The following FOXJ3 variants were observed in gnomAD, a reference collection of about 807,000 sequenced individuals.
FOXJ3 encodes forkhead box protein J3.
Under a neutral mutation model 76.1 loss-of-function variants are expected in FOXJ3, and 22 were observed. The observed-to-expected ratio is 0.29, with a 90% CI of 0.21 to 0.41. The LOEUF (loss-of-function observed/expected upper bound fraction) is 0.41. FOXJ3 is among the 10% of genes least tolerant of loss of function. The pLI, the probability that FOXJ3 is intolerant of heterozygous loss-of-function variation, is 1.00. For synonymous variants in FOXJ3, 269 were observed against 261.2 expected (o/e 1.03, Z -0.29); for missense variants, 613 against 762.1 (o/e 0.80, Z 2.30).
rs901073147 is a variant in FOXJ3 at position 42,277,514 on chromosome 1, C to G, written c.369+834G>C. Among the ~76,000 whole-genome samples the G allele has an allele frequency of 9.6e-5, 6 of 62,368 alleles. 1 individual carries two copies. The highest frequency in any genetic ancestry group is 2.4e-4 in the African/African-American group (5 of 20,464). 40.9% of individuals were successfully genotyped at this position (62,368 alleles called of 152,430 possible). On this transcript the variant is annotated intron_variant, in intron 3 of 12. Coordinates refer to ENST00000361346, the MANE Select transcript of FOXJ3 (RefSeq NM_014947.5). ...CATCTCTACTAAAAATACAAAAAAT[C>G]TGGCCGGGCGCGGTGGCTCACGCCT...
intron 5 of FOXJ3, among the ~76,000 whole-genome samples, chr1:42,206,811 T>A (rs1646869453): frequency 6.6e-6 from 1 of 152,126 alleles, no homozygotes; most frequent in Non-Finnish European, 1.5e-5. Context: ...TTATCAGACA[T>A]CAGGTCTTAT....
At position 42,191,778 on chromosome 1, in the gene FOXJ3, T is replaced by C; in HGVS notation, c.935-59A>G. 1 of 1,558,748 alleles carries C rather than the reference T, an allele frequency of 6.4e-7. No individual in the cohort carries two copies. The highest frequency in any genetic ancestry group is 8.8e-7 in the Non-Finnish European group (1 of 1,141,608). On this transcript the variant is annotated intron_variant, in intron 8 of 12. Transcript: ENST00000361346. Reference sequence around the variant, plus strand: ...TTCAGTTGTATTTTATGACAAACATTTGTAAAATTATTAACATAACAAAAG... The same window carrying C: ...TTCAGTTGTATTTTATGACAAACATCTGTAAAATTATTAACATAACAAAAG...
chr1:42,237,949 G>GAC (rs767663318), intron 4 of FOXJ3, among the ~76,000 whole-genome samples: 3 of 149,522 alleles, frequency 2.0e-5, no homozygotes, highest in Admixed American at 6.7e-5. Context: ...CATATATATA[G>GAC]ACACACACAC....
At chr1:42,203,665 G>A (rs541501289) in intron 6 of FOXJ3, among the ~76,000 whole-genome samples, 1 of 152,248 alleles carries the variant, frequency 6.6e-6, no homozygotes, top group Admixed American at 6.5e-5. Flanking sequence ...CACACAATTA[G>A]GAGTTAGCAA....
chr1:42,323,335 CCATT>C (rs1188050868), intron 1 of FOXJ3, among the ~76,000 whole-genome samples: 3 of 152,098 alleles, frequency 2.0e-5, no homozygotes, highest in African/African-American at 4.8e-5. Context: ...TCAAATATGA[CCATT>C]CATTCATTCA....
chr1:42,273,290 C>T (rs1382336181), intron 3 of FOXJ3, among the ~76,000 whole-genome samples: 4 of 152,178 alleles, frequency 2.6e-5, no homozygotes, highest in Non-Finnish European at 4.4e-5. Flanking sequence ...AGGCCCTGTG[C>T]TATGCTTCCT....
At chr1:42,304,315 T>C (rs145922326) in intron 2 of FOXJ3, among the ~76,000 whole-genome samples, 59 of 152,038 alleles carry the variant, frequency 3.9e-4, no homozygotes, top group Non-Finnish European at 1.2e-4. Context: ...ATTGTTAAAA[T>C]GTACATACTA....
intron 5 of FOXJ3, among the ~76,000 whole-genome samples, chr1:42,221,524 T>C (rs1289456585): frequency 1.3e-5 from 2 of 152,104 alleles, no homozygotes; most frequent in African/African-American, 4.8e-5. Context: ...GGCACAATCA[T>C]GGCTCACTGC....
Position 42,302,195 on chromosome 1 carries a change from T to TATCTAG in FOXJ3, c.44+8849_44+8854dup, listed in dbSNP as rs543547712. 1.1e-3 allele frequency among the ~76,000 whole-genome samples: 171 copies of TATCTAG among 152,318 alleles called. 1 individual carries two copies. Among genetic ancestry groups the TATCTAG allele is most frequent in the Non-Finnish European group, 1.7e-3 (115 of 68,026 alleles). On this transcript the variant is annotated intron_variant, in intron 2 of 12. Coordinates refer to ENST00000361346, the MANE Select transcript of FOXJ3 (RefSeq NM_014947.5). Reference sequence around the variant, plus strand: ...AGGGTGGTGGAGGTCTCAGGAAGTTTATCTAGATCCCTAGTGCTGCACACT... The same window carrying TATCTAG: ...AGGGTGGTGGAGGTCTCAGGAAGTTTATCTAGATCTAGATCCCTAGTGCTGCACACT...
chr1:42,230,847 G>A (rs1387041733), intron 4 of FOXJ3, among the ~76,000 whole-genome samples: 1 of 151,896 alleles, frequency 6.6e-6, no homozygotes, highest in African/African-American at 2.4e-5. Flanking sequence ...TTCCACTTTT[G>A]GATATATATC....
intron 2 of FOXJ3, among the ~76,000 whole-genome samples, chr1:42,292,023 G>C (rs975648592): frequency 6.6e-6 from 1 of 152,058 alleles, no homozygotes; most frequent in Admixed American, 6.5e-5. Flanking sequence ...GGAGCCAGGG[G>C]ATGGGACCCT....
At chr1:42,273,788 A>G (rs1652048964) in intron 3 of FOXJ3, among the ~76,000 whole-genome samples, 1 of 152,072 alleles carries the variant, frequency 6.6e-6, no homozygotes, top group Non-Finnish European at 1.5e-5. Context: ...TCTGGCCTGC[A>G]GAGATTCATG....
At chr1:42,292,812 A>T (rs1653527937) in intron 2 of FOXJ3, among the ~76,000 whole-genome samples, 1 of 152,160 alleles carries the variant, frequency 6.6e-6, no homozygotes, top group Admixed American at 6.5e-5. Context: ...AAAAACAAAT[A>T]TTTGTGGGCT....
chr1:42,311,526 C>A (rs1217558117), intron 1 of FOXJ3, among the ~76,000 whole-genome samples: 2 of 152,180 alleles, frequency 1.3e-5, no homozygotes, highest in East Asian at 3.9e-4. Flanking sequence ...AGGTTCCAAC[C>A]CCCAAGTAAG....
intron 4 of FOXJ3, among the ~76,000 whole-genome samples, chr1:42,241,562 C>T (rs1239110260): frequency 6.6e-6 from 1 of 152,198 alleles, no homozygotes; most frequent in East Asian, 1.9e-4. Context: ...TCCTGGGGCC[C>T]TGAGGACAAA....
chr1:42,325,596 A>C (rs1379332244), intron 1 of FOXJ3, among the ~76,000 whole-genome samples: 1 of 152,226 alleles, frequency 6.6e-6, no homozygotes, highest in Admixed American at 6.5e-5. Context: ...ACCTGGATGA[A>C]AAACACTACC....
At chr1:42,291,283 A>G (rs1317886793) in intron 2 of FOXJ3, among the ~76,000 whole-genome samples, 1 of 152,224 alleles carries the variant, frequency 6.6e-6, no homozygotes, top group Admixed American at 6.5e-5. Flanking sequence ...TGTAAAAGCT[A>G]AATCTATAAA....
intron 5 of FOXJ3, among the ~76,000 whole-genome samples, chr1:42,208,088 T>A (rs981783208): frequency 4.6e-5 from 7 of 152,234 alleles, no homozygotes; most frequent in African/African-American, 1.7e-4. Flanking sequence ...TCGAACTTTA[T>A]GCTTGTTTTC....
intron 1 of FOXJ3, among the ~76,000 whole-genome samples, chr1:42,333,587 G>A (rs1273289069): frequency 1.3e-5 from 2 of 152,110 alleles, no homozygotes; most frequent in Non-Finnish European, 2.9e-5. Context: ...GAAAAAGAGA[G>A]GAGTTACTGC....
Sources: gnomAD v4.1 joint callset for allele counts (sites outside exome capture counted in the v4.1 genomes callset) on GRCh38, gnomAD v4.1.1 for gene constraint, MANE v1.5 for transcripts, NCBI Gene and HGNC (gene_info 2026-07-23, HGNC 2026-07-21) for gene names.